KIAA1217: variants seen among roughly 807,000 people sequenced by gnomAD.
KIAA1217 encodes KIAA1217.
KIAA1217 carries 88 observed loss-of-function variants against 163.9 expected under a neutral mutation model. That is an observed-to-expected ratio of 0.54 (90% confidence interval 0.45 to 0.64). The LOEUF is 0.64. Ranked by LOEUF, KIAA1217 falls within the 30% of genes least tolerant of loss-of-function variation. The probability of loss-of-function intolerance (pLI) is 0.00; values close to 1 mark genes in which losing one functional copy is unlikely to be tolerated. For synonymous variants in KIAA1217, 903 were observed against 923.1 expected (o/e 0.98, Z 0.39); for missense variants, 2,372 against 2,475.0 (o/e 0.96, Z 0.88).
At chr10:23,826,971 T>G (rs1295719965) in intron 1 of KIAA1217, among the ~76,000 whole-genome samples, 3 of 152,202 alleles carry the variant, frequency 2.0e-5, no homozygotes, top group Non-Finnish European at 4.4e-5. Context: ...ATGGGCACTA[T>G]GGACAAATAA....
chr10:24,091,984 C>T (rs560686140), intron 2 of KIAA1217, among the ~76,000 whole-genome samples: 2 of 151,790 alleles, frequency 1.3e-5, no homozygotes, highest in Admixed American at 6.5e-5. Flanking sequence ...TATGCCCTCT[C>T]ATTAACATGG....
intron 1 of KIAA1217, among the ~76,000 whole-genome samples, chr10:24,006,638 A>G (rs939395270): frequency 4.7e-4 from 71 of 152,196 alleles, no homozygotes; most frequent in African/African-American, 1.7e-3. Context: ...TTTAGGCTTC[A>G]AAATTCCATT....
chr10:24,477,736 C>T (rs1192099897), intron 6 of KIAA1217, among the ~76,000 whole-genome samples: 1 of 152,162 alleles, frequency 6.6e-6, no homozygotes, highest in African/African-American at 2.4e-5. Context: ...AGAAAGAGGA[C>T]AGCATTCTTG....
At chr10:24,105,897 T>C (rs1426184968) in intron 2 of KIAA1217, among the ~76,000 whole-genome samples, 1 of 152,192 alleles carries the variant, frequency 6.6e-6, no homozygotes, top group Admixed American at 6.5e-5. Flanking sequence ...GTACTTGGGC[T>C]GTGCATTGTG....
intron 1 of KIAA1217, among the ~76,000 whole-genome samples, chr10:23,981,809 G>T (rs936619661): frequency 3.9e-5 from 6 of 152,056 alleles, no homozygotes; most frequent in Admixed American, 3.3e-4. Context: ...TCTTGGGTTT[G>T]CTCATGAAAG....
chr10:24,034,657 G>A (rs139603117), intron 2 of KIAA1217, among the ~76,000 whole-genome samples: 8 of 152,100 alleles, frequency 5.3e-5, no homozygotes, highest in Non-Finnish European at 8.8e-5. Flanking sequence ...ATCAGGAGGC[G>A]GGGCAAAGGT....
At chr10:24,036,720 G>A (rs1354100750) in intron 2 of KIAA1217, among the ~76,000 whole-genome samples, 2 of 152,066 alleles carry the variant, frequency 1.3e-5, no homozygotes, top group Admixed American at 6.6e-5. Flanking sequence ...CAGATCTCAC[G>A]TGGACTAATA....
chr10:24,035,590 G>A, intron 2 of KIAA1217, among the ~76,000 whole-genome samples: 1 of 152,204 alleles, frequency 6.6e-6, no homozygotes, highest in African/African-American at 2.4e-5. Flanking sequence ...AGTATCACCA[G>A]CTCATGATGG....
Position 23,819,114 on chromosome 10 carries a change from C to G in KIAA1217, c.-321+123880C>G, listed in dbSNP as rs1402490217. ...AGCAATTGAGGAATTGTTGAGCAGG[C>G]TTTCTGTGGAAAAGGGTGCTGATGG... On this transcript the variant is annotated intron_variant, in intron 1 of 18. Transcript: ENST00000376462. Among the ~76,000 whole-genome samples the G allele has an allele frequency of 2.6e-5, 4 of 152,312 alleles. No individual in the cohort carries two copies. The East Asian group carries it at 7.7e-4, about 29-fold the overall frequency.
At chr10:23,887,364 G>A (rs1287775617) in intron 1 of KIAA1217, among the ~76,000 whole-genome samples, 1 of 151,830 alleles carries the variant, frequency 6.6e-6, no homozygotes. Context: ...CCTTTGAAAT[G>A]TTTCCATTGT....
At chr10:24,044,142 T>C (rs1401598996) in intron 2 of KIAA1217, among the ~76,000 whole-genome samples, 3 of 152,170 alleles carry the variant, frequency 2.0e-5, no homozygotes, top group Non-Finnish European at 4.4e-5. Context: ...ATGTTTGTTT[T>C]TATTCTTTAA....
At chr10:24,019,640 T>C (rs1411258674) in intron 2 of KIAA1217, among the ~76,000 whole-genome samples, 1 of 151,904 alleles carries the variant, frequency 6.6e-6, no homozygotes, top group African/African-American at 2.4e-5. Context: ...CAGTGCAAAA[T>C]CATCCATAAG....
At chr10:23,902,558 A>G (rs1284389003) in intron 1 of KIAA1217, among the ~76,000 whole-genome samples, 4 of 152,120 alleles carry the variant, frequency 2.6e-5, no homozygotes, top group African/African-American at 4.8e-5. Context: ...AGTAGATGCC[A>G]TGCTGAGCTC....
intron 2 of KIAA1217, among the ~76,000 whole-genome samples, chr10:24,354,937 T>A (rs2014306): frequency 1.3e-5 from 2 of 152,064 alleles, no homozygotes; most frequent in Non-Finnish European, 1.5e-5. Flanking sequence ...CACCCTCTTC[T>A]ACCCAGTATT....
At chr10:23,921,883 A>T (rs1242100654) in intron 1 of KIAA1217, among the ~76,000 whole-genome samples, 1 of 152,142 alleles carries the variant, frequency 6.6e-6, no homozygotes, top group East Asian at 1.9e-4. Flanking sequence ...CTTGTTCCTG[A>T]CACAAGAGCT....
intron 5 of KIAA1217, among the ~76,000 whole-genome samples, chr10:24,462,134 C>T (rs906475269): frequency 6.6e-6 from 1 of 150,842 alleles, no homozygotes; most frequent in Non-Finnish European, 1.5e-5. Flanking sequence ...TGTATAATAT[C>T]GATAGGTATA....
At chr10:24,018,317 A>C (rs1440428649) in intron 2 of KIAA1217, among the ~76,000 whole-genome samples, 1 of 152,144 alleles carries the variant, frequency 6.6e-6, no homozygotes, top group Non-Finnish European at 1.5e-5. Context: ...AAAAGCATAT[A>C]GCAAGTATAG....
chr10:24,133,847 T>G (rs1356348191), intron 2 of KIAA1217, among the ~76,000 whole-genome samples: 2 of 152,196 alleles, frequency 1.3e-5, no homozygotes, highest in Non-Finnish European at 2.9e-5. Flanking sequence ...CAGACTGTGT[T>G]TTGTAACCTA....
At chr10:24,255,447 C>T (rs1332018368) in intron 2 of KIAA1217, 1 of 449,212 alleles carries the variant, frequency 2.2e-6, no homozygotes, top group Non-Finnish European at 4.5e-6. Flanking sequence ...CACTGGACTG[C>T]TCCCAGAACA....
Sources: allele counts gnomAD v4.1 joint callset (sites outside exome capture counted in the v4.1 genomes callset), GRCh38; gene constraint gnomAD v4.1.1; transcripts MANE v1.5; gene names NCBI Gene and HGNC (gene_info 2026-07-23, HGNC 2026-07-21).